The following FREM3 variants were observed in gnomAD, a reference collection of about 807,000 sequenced individuals.
The protein encoded by FREM3 is FRAS1-related extracellular matrix protein 3.
Under a neutral mutation model 129.1 loss-of-function variants are expected in FREM3, and 105 were observed. The observed-to-expected ratio is 0.81, with a 90% CI of 0.69 to 0.96. The LOEUF (loss-of-function observed/expected upper bound fraction) is 0.96. Ranked by LOEUF, FREM3 falls within the 40% of genes least tolerant of loss-of-function variation. The probability of loss-of-function intolerance (pLI) is 0.00; values close to 1 mark genes in which losing one functional copy is unlikely to be tolerated. For synonymous variants in FREM3, 1,014 were observed against 1,044.9 expected (o/e 0.97, Z 0.57); for missense variants, 2,593 against 2,666.3 (o/e 0.97, Z 0.61).
At chr4:143,599,940 C>T (rs534728477) in intron 6 of FREM3, among the ~76,000 whole-genome samples, 1 of 152,252 alleles carries the variant, frequency 6.6e-6, no homozygotes, top group South Asian at 2.1e-4. Context: ...GGACTATGGG[C>T]TCAGAAGCAC....
chr4:143,652,821 G>A (rs1345793139), intron 2 of FREM3, among the ~76,000 whole-genome samples: 1 of 152,082 alleles, frequency 6.6e-6, no homozygotes, highest in Non-Finnish European at 1.5e-5. Flanking sequence ...TAGAGATGGG[G>A]TTTTGCCATG....
At chr4:143,595,530 C>G (rs372180834) in intron 6 of FREM3, among the ~76,000 whole-genome samples, 1 of 152,082 alleles carries the variant, frequency 6.6e-6, no homozygotes, top group Non-Finnish European at 1.5e-5. Context: ...TTTGGTATGA[C>G]AGGGCCTCCA....
Position 143,698,339 on chromosome 4 carries a change from C to G in FREM3, c.2337G>C (p.Gln779His), listed in dbSNP as rs762058146. ...GGTAGGCAACTTTATGCTGATTTAC[C>G]TGGGCTTGGGTAAAGTGCATGATGA... ...DTLIMHFTQA[Q>H]VNQHKVAYQP... Residue 779 changes from glutamine to histidine, a missense_variant, in exon 1 of 8, where the codon CAG (glutamine) becomes CAC (histidine). Around this residue, in one of 2 missense-constraint regions of FREM3, gnomAD observed 2,276 missense variants for 2,267.2 expected, o/e 1.00. Coordinates refer to ENST00000329798, the MANE Select transcript of FREM3 (RefSeq NM_001168235.2). The G allele has an allele frequency of 6.5e-7, 1 of 1,537,848 alleles. No individual in the cohort carries two copies.
chr4:143,647,117 C>T (rs1739431897), intron 2 of FREM3, among the ~76,000 whole-genome samples: 1 of 152,168 alleles, frequency 6.6e-6, no homozygotes, highest in South Asian at 2.1e-4. Context: ...AGATGAGGAA[C>T]TTGTCGGAAA....
At chr4:143,678,893 T>A (rs973992696) in intron 2 of FREM3, among the ~76,000 whole-genome samples, 52 of 151,718 alleles carry the variant, frequency 3.4e-4, no homozygotes, top group Non-Finnish European at 5.6e-4. Context: ...TAAGAACATA[T>A]TTTAAGTAGG....
rs532680407 is a variant in FREM3, at chr4:143,661,919, TG to T, written c.5275+31193del. Among the ~76,000 whole-genome samples the T allele has an allele frequency of 5.8e-4, 89 of 152,290 alleles. 2 individuals are homozygous for T. The South Asian group carries it at 0.012, about 20-fold the overall frequency. The stretch of plus-strand genomic sequence containing the variant: ...TCTCTGATGATAGTTTGTATTTCTG[TG>T]GGATCAGTGGTGATATCCCCTTTAT... On this transcript the variant is annotated intron_variant, in intron 2 of 7. Transcript: ENST00000329798.
rs1247565939 is a variant in FREM3, at chr4:143,698,354, G to A, written c.2322C>T (p.His774=). 6.5e-7 allele frequency: 1 copy of A among 1,537,944 alleles called. No individual in the cohort carries two copies. The highest frequency in any genetic ancestry group is 2.0e-5 in the Admixed American group (1 of 51,010). The change falls in exon 1 of 8, where the codon CAC becomes CAT. Residue 774 remains histidine (H), a synonymous_variant. Coordinates refer to ENST00000329798, the MANE Select transcript of FREM3 (RefSeq NM_001168235.2). ...LTDSPDTLIM[H]FTQAQVNQHK... ...GCTGATTTACCTGGGCTTGGGTAAA[G>A]TGCATGATGAGTGTGTCTGGTGAAT...
rs1247367355 is a variant in FREM3 at position 143,584,269 on chromosome 4, C to T, written c.6178+1575G>A. ...CTAAAAATACAAAAAATTAGCCGGGCGCGGTGGCGGGCGCCTGTGGTCCCA... is the reference window on the plus strand; with the variant it reads ...CTAAAAATACAAAAAATTAGCCGGGTGCGGTGGCGGGCGCCTGTGGTCCCA... On this transcript the variant is annotated intron_variant, in intron 7 of 7. Coordinates refer to ENST00000329798, the MANE Select transcript of FREM3 (RefSeq NM_001168235.2). Among the ~76,000 whole-genome samples, 6 of 151,980 alleles carry T rather than the reference C, an allele frequency of 3.9e-5. No homozygotes were observed. The South Asian group carries it at 6.2e-4, about 16-fold the overall frequency.
At chr4:143,661,389 A>G (rs894561557) in intron 2 of FREM3, among the ~76,000 whole-genome samples, 8 of 152,058 alleles carry the variant, frequency 5.3e-5, no homozygotes, top group South Asian at 2.1e-4. Flanking sequence ...GCTGGATTAC[A>G]TTTATTGATT....
At chr4:143,674,355 A>G (rs6811380) in intron 2 of FREM3, among the ~76,000 whole-genome samples, 11,066 of 152,226 alleles carry the variant, frequency 0.073, 1,073 homozygotes, top group African/African-American at 0.21. Context: ...AGATTTTGTC[A>G]CCACCAGGCC....
intron 2 of FREM3, among the ~76,000 whole-genome samples, chr4:143,659,191 C>A (rs1371785766): frequency 6.6e-6 from 1 of 151,618 alleles, no homozygotes; most frequent in African/African-American, 2.4e-5. Flanking sequence ...GTGCTGCACC[C>A]ATTAACTCGT....
chr4:143,620,445 A>T (rs1167822723), intron 5 of FREM3, among the ~76,000 whole-genome samples: 1 of 152,158 alleles, frequency 6.6e-6, no homozygotes, highest in African/African-American at 2.4e-5. Flanking sequence ...CATAGTTGCT[A>T]ATAAGATGTT....
At chr4:143,686,229 A>G (rs36125288) in intron 2 of FREM3, among the ~76,000 whole-genome samples, 140 of 152,344 alleles carry the variant, frequency 9.2e-4, no homozygotes, top group Non-Finnish European at 1.9e-3. Context: ...AGCGACAAAG[A>G]GAGACATTAT....
intron 6 of FREM3, among the ~76,000 whole-genome samples, chr4:143,593,973 C>T (rs569949035): frequency 1.3e-5 from 2 of 152,306 alleles, no homozygotes; most frequent in African/African-American, 4.8e-5. Flanking sequence ...AGTTTGATGT[C>T]AGACTGCTGT....
At chr4:143,672,752 T>G (rs1308508439) in intron 2 of FREM3, among the ~76,000 whole-genome samples, 1 of 152,236 alleles carries the variant, frequency 6.6e-6, no homozygotes, top group Non-Finnish European at 1.5e-5. Flanking sequence ...ATTTGGTCTT[T>G]TCACATAGTC....
chr4:143,634,645 G>A lies in FREM3; in HGVS notation c.5276-6885C>T, dbSNP rs986768498. 3.3e-5 allele frequency among the ~76,000 whole-genome samples: 5 copies of A among 152,190 alleles called. No homozygotes were observed. In the Middle Eastern group the frequency reaches 0.01, roughly 311 times the overall value. The stretch of plus-strand genomic sequence containing the variant: ...TGGCTCCGACTGAGAGTCCCCTTCT[G>A]GCTGTGCATAATCACTTGCTGGAGA... On this transcript the variant is annotated intron_variant, in intron 2 of 7. Coordinates refer to ENST00000329798, the MANE Select transcript of FREM3 (RefSeq NM_001168235.2).
intron 6 of FREM3, among the ~76,000 whole-genome samples, chr4:143,592,118 T>C (rs1738375067): frequency 2.0e-5 from 3 of 152,244 alleles, no homozygotes; most frequent in Non-Finnish European, 4.4e-5. Context: ...TCCCTTTATT[T>C]TGAGCCTATG....
intron 2 of FREM3, among the ~76,000 whole-genome samples, chr4:143,677,853 G>C (rs1369842398): frequency 6.6e-6 from 1 of 152,176 alleles, no homozygotes; most frequent in African/African-American, 2.4e-5. Context: ...TGATCTCACA[G>C]CAGTTAGAAT....
intron 2 of FREM3, among the ~76,000 whole-genome samples, chr4:143,661,919 T>C (rs1739733615): frequency 6.6e-6 from 1 of 152,172 alleles, no homozygotes; most frequent in Non-Finnish European, 1.5e-5. Flanking sequence ...TGTATTTCTG[T>C]GGGATCAGTG....
Sources: allele counts gnomAD v4.1 joint callset (sites outside exome capture counted in the v4.1 genomes callset), GRCh38; gene constraint gnomAD v4.1.1; regional missense constraint gnomAD v4.1.1; transcripts MANE v1.5; gene names NCBI Gene and HGNC (gene_info 2026-07-23, HGNC 2026-07-21).